Variants in ADGRE3 observed in about 807,000 individuals in gnomAD.
ADGRE3 encodes the protein EGF-like module receptor 3.
In ADGRE3, 88 loss-of-function variants were observed where a neutral mutation model predicts 80.1. That is an observed-to-expected ratio of 1.10 (90% CI 0.93 to 1.31). The LOEUF (loss-of-function observed/expected upper bound fraction) is 1.31, where lower values mean the gene tolerates loss of function less well. ADGRE3 is among the 40% of genes most tolerant of loss of function. The probability of loss-of-function intolerance (pLI) is 0.00; values close to 1 mark genes in which losing one functional copy is unlikely to be tolerated. For missense variants in ADGRE3, 715 were observed against 776.5 expected (o/e 0.92, Z 0.94); for synonymous variants, 281 against 294.8 (o/e 0.95, Z 0.48).
At chr19:14,606,846 A>G in the ADGRE3 span, 3 of 359,854 alleles carry the variant, frequency 8.3e-6, no homozygotes, top group Non-Finnish European at 1.5e-5. Context: ...GAAGACATTG[A>G]TCCTGTTCTG....
chr19:14,629,024 G>A (rs949814243), intron 14 of ADGRE3, among the ~76,000 whole-genome samples: 3 of 152,042 alleles, frequency 2.0e-5, no homozygotes, highest in African/African-American at 4.8e-5. Flanking sequence ...CTGGGTTCAA[G>A]TGATTATCCT....
At chr19:14,623,706 G>C (rs1418370934) in intron 15 of ADGRE3, among the ~76,000 whole-genome samples, 3 of 152,160 alleles carry the variant, frequency 2.0e-5, no homozygotes, top group Non-Finnish European at 2.9e-5. Flanking sequence ...TTTATGGACA[G>C]TGGGCATTTG....
chr19:14,665,293 G>A (rs1215633727), intron 2 of ADGRE3, among the ~76,000 whole-genome samples: 1 of 151,732 alleles, frequency 6.6e-6, no homozygotes, highest in Non-Finnish European at 1.5e-5. Flanking sequence ...TTGATCTCCT[G>A]ACCTCGTGAT....
In ADGRE3 at chr19:14,663,431, C is replaced by T. The variant is rs202239062; in HGVS notation, c.186G>A (p.Leu62=). 18 of 1,604,318 alleles carry T rather than the reference C, an allele frequency of 1.1e-5. No individual in the cohort carries two copies. The Admixed American group carries it at 2.5e-4, about 22-fold the overall frequency. Residue 62 remains leucine (L), a synonymous_variant, in exon 3 of 16, where the codon TTG becomes TTA. Coordinates refer to ENST00000253673, the MANE Select transcript of ADGRE3 (RefSeq NM_032571.5). The part of the protein sequence containing the change: ...GSGQKLFTFP[L]ETCNDINECT... ...ATACTTCTTTACCGTTACATGTCTC[C>T]AAGGGGAATGTGAATAGTTTCTGCC...
At chr19:14,636,100 T>TTCTTTCTTTC (rs1568481263) in intron 11 of ADGRE3, among the ~76,000 whole-genome samples, 2 of 48,278 alleles carry the variant, frequency 4.1e-5, no homozygotes, top group African/African-American at 1.3e-4. Flanking sequence ...CTTTCTTTCT[T>TTCTTTCTTTC]TCTTTCTTTC....
intron 1 of ADGRE3, among the ~76,000 whole-genome samples, chr19:14,670,189 C>T (rs1047405027): frequency 5.3e-5 from 8 of 152,168 alleles, no homozygotes; most frequent in Non-Finnish European, 1.5e-5. Flanking sequence ...GTGGATGGGG[C>T]TGCAACGGCT....
chr19:14,660,338 G>T (rs1275653486), intron 4 of ADGRE3, among the ~76,000 whole-genome samples: 1 of 152,166 alleles, frequency 6.6e-6, no homozygotes, highest in Non-Finnish European at 1.5e-5. Context: ...GTAAAAGACA[G>T]ATTTATGGCT....
the ADGRE3 span, among the ~76,000 whole-genome samples, chr19:14,602,071 C>G: frequency 6.6e-6 from 1 of 152,136 alleles, no homozygotes; most frequent in Non-Finnish European, 1.5e-5. Flanking sequence ...GGATTACAGG[C>G]ATGAGCCACC....
At chr19:14,667,211 G>C (rs1339762962) in intron 2 of ADGRE3, among the ~76,000 whole-genome samples, 1 of 152,136 alleles carries the variant, frequency 6.6e-6, no homozygotes, top group East Asian at 1.9e-4. Context: ...GAGACTTGGA[G>C]CAGACGGAAA....
intron 7 of ADGRE3, among the ~76,000 whole-genome samples, chr19:14,650,144 ATC>A (rs1024163377): frequency 4.6e-5 from 5 of 108,342 alleles, no homozygotes; most frequent in African/African-American, 3.7e-5. Flanking sequence ...CTCTCTACTC[ATC>A]TCTCTCTTTC....
intron 7 of ADGRE3, among the ~76,000 whole-genome samples, chr19:14,647,712 C>T (rs551418322): frequency 5.9e-5 from 9 of 151,688 alleles, no homozygotes; most frequent in Admixed American, 1.3e-4. Context: ...GCCACCATGC[C>T]CGGTCTGCCG....
At chr19:14,635,677 T>C (rs894131860) in intron 11 of ADGRE3, among the ~76,000 whole-genome samples, 2 of 152,094 alleles carry the variant, frequency 1.3e-5, no homozygotes, top group Non-Finnish European at 2.9e-5. Flanking sequence ...CCTCCCAAAG[T>C]GCTGGGATTA....
In ADGRE3 at chr19:14,630,058, T is replaced by A; in HGVS notation, c.1793A>T (p.Tyr598Phe). The A allele has an allele frequency of 6.2e-7, 1 of 1,608,852 alleles. No individual in the cohort carries two copies. The highest frequency in any genetic ancestry group is 1.1e-5 in the South Asian group (1 of 90,386). ...GTTTACCTGCTGGCTGAGGAGGCAGTAGACCAAGAAGATGAAGAAGCCTTG... is the reference window on the plus strand; with the variant it reads ...GTTTACCTGCTGGCTGAGGAGGCAGAAGACCAAGAAGATGAAGAAGCCTTG... ...SLQGFFIFLV[Y>F]CLLSQQVQKQ... Residue 598 changes from tyrosine to phenylalanine, a missense_variant, in exon 14 of 16, where the codon TAC (tyrosine) becomes TTC (phenylalanine). By Grantham distance (22) the Tyr-to-Phe change is conservative. Transcript: ENST00000253673.
chr19:14,601,099 C>T, the ADGRE3 span, among the ~76,000 whole-genome samples: 1 of 151,746 alleles, frequency 6.6e-6, no homozygotes, highest in Non-Finnish European at 1.5e-5. Context: ...GATGAGGTTT[C>T]TCCATGTTGG....
intron 3 of ADGRE3, 25 bp from the exon 4 acceptor site, chr19:14,662,143 T>A (rs1191539181): frequency 6.2e-7 from 1 of 1,611,934 alleles, no homozygotes; most frequent in Admixed American, 1.7e-5. Context: ...AGCAATTGGG[T>A]CATTCATTCA....
At chr19:14,612,655 T>G in the ADGRE3 span, among the ~76,000 whole-genome samples, 1 of 152,122 alleles carries the variant, frequency 6.6e-6, no homozygotes, top group East Asian at 1.9e-4. Flanking sequence ...ACTTTAAAGA[T>G]CCTGTCTCCA....
Position 14,651,070 on chromosome 19 carries a change from AG to A in ADGRE3, c.697+14del. The A allele has an allele frequency of 6.2e-7, 1 of 1,613,916 alleles. No homozygotes were observed. The highest frequency in any genetic ancestry group is 2.2e-5 in the East Asian group (1 of 44,878). On this transcript the variant is annotated intron_variant, in intron 7 of 15. Transcript: ENST00000253673. ...GCTCTGTGTGAAGGATTCTGAATGC[AG>A]CCATCAGGCATACCTTGTGTGTCTC...
At chr19:14,614,038 G>A in the ADGRE3 span, among the ~76,000 whole-genome samples, 1 of 152,086 alleles carries the variant, frequency 6.6e-6, no homozygotes, top group Non-Finnish European at 1.5e-5. Flanking sequence ...AGGCTGGAGT[G>A]CAGTGGCATT....
chr19:14,607,940 G>A, the ADGRE3 span, among the ~76,000 whole-genome samples: 1 of 151,894 alleles, frequency 6.6e-6, no homozygotes, highest in East Asian at 1.9e-4. Context: ...GTGCAATCTC[G>A]GCTCACTGCA....
Sources: allele counts gnomAD v4.1 joint callset (sites outside exome capture counted in the v4.1 genomes callset), GRCh38; gene constraint gnomAD v4.1.1; transcripts MANE v1.5; gene names NCBI Gene and HGNC (gene_info 2026-07-23, HGNC 2026-07-21).